The following FBXL2 variants were observed in gnomAD, a reference collection of about 807,000 sequenced individuals.
FBXL2 encodes F-box and leucine rich repeat protein 2.
FBXL2 carries 38 observed loss-of-function variants against 69.2 expected under a neutral mutation model. The ratio of observed to expected loss-of-function variants is 0.55; its 90% CI spans 0.42 to 0.72. FBXL2 has a LOEUF of 0.72. FBXL2 is among the 30% of genes least tolerant of loss of function. FBXL2 has a pLI of 0.00. For missense variants in FBXL2, 354 were observed against 520.3 expected, an observed-to-expected ratio of 0.68 and a Z score of 3.11; for synonymous variants, 192 against 201.3, an observed-to-expected ratio of 0.95 and a Z score of 0.39.
chr3:33,310,942 T>G (rs745548642), intron 2 of FBXL2, among the ~76,000 whole-genome samples: 153 of 152,126 alleles, frequency 1.0e-3, no homozygotes, highest in Non-Finnish European at 1.8e-3. Context: ...TCCTGGCTAA[T>G]TTTTCAGTAT....
downstream of FBXL2, among the ~76,000 whole-genome samples, chr3:33,404,476 TAATAGGATTA>T (rs2044361076): frequency 7.2e-6 from 1 of 138,282 alleles, no homozygotes; most frequent in Non-Finnish European, 1.5e-5. Flanking sequence ...AAGCTAAAGA[TAATAGGATTA>T]AAAAAAAAAA....
At chr3:33,352,120 GA>G (rs2040869631) in intron 2 of FBXL2, among the ~76,000 whole-genome samples, 2 of 152,252 alleles carry the variant, frequency 1.3e-5, no homozygotes, top group African/African-American at 2.4e-5. Context: ...ATTGGTGAAA[GA>G]ATAGATTAAT....
chr3:33,360,916 AAC>A, intron 4 of FBXL2, among the ~76,000 whole-genome samples: 1 of 134,770 alleles, frequency 7.4e-6, no homozygotes, highest in African/African-American at 2.8e-5. Flanking sequence ...GCACATGAAG[AAC>A]TTTTTTTTTT....
intron 5 of FBXL2, among the ~76,000 whole-genome samples, chr3:33,371,579 A>G (rs563466446): frequency 6.6e-6 from 1 of 152,268 alleles, no homozygotes; most frequent in East Asian, 1.9e-4. Flanking sequence ...TAACATTATA[A>G]CTTTTAATAC....
At chr3:33,377,157 A>T in intron 10 of FBXL2, 116 bp from the exon 11 acceptor site, 1 of 1,002,962 alleles carries the variant, frequency 1.0e-6, no homozygotes, top group South Asian at 1.4e-5. Context: ...AGGGCTGTTA[A>T]CAGAGGCAAA....
chr3:33,334,632 C>G (rs1296343711), intron 2 of FBXL2, among the ~76,000 whole-genome samples: 1 of 152,142 alleles, frequency 6.6e-6, no homozygotes, highest in Non-Finnish European at 1.5e-5. Flanking sequence ...AGTGTTTGAA[C>G]AAATAATGTC....
downstream of FBXL2, chr3:33,403,703 C>T (rs1021225846): frequency 7.9e-5 from 12 of 152,150 alleles, no homozygotes; most frequent in African/African-American, 2.7e-4. Context: ...AACAAAGACA[C>T]GGAGATACAC....
intron 1 of FBXL2, among the ~76,000 whole-genome samples, chr3:33,280,790 T>C (rs186775027): frequency 2.7e-5 from 4 of 150,904 alleles, no homozygotes; most frequent in Non-Finnish European, 3.0e-5. Context: ...TGGAACAAAA[T>C]CTATTGGGAT....
At chr3:33,316,690 G>A (rs1310671145) in intron 2 of FBXL2, among the ~76,000 whole-genome samples, 1 of 152,112 alleles carries the variant, frequency 6.6e-6, no homozygotes, top group African/African-American at 2.4e-5. Context: ...GGCACTTGGC[G>A]GTTTGGCCCT....
At chr3:33,329,729 C>T (rs932169353) in intron 2 of FBXL2, among the ~76,000 whole-genome samples, 4 of 152,124 alleles carry the variant, frequency 2.6e-5, no homozygotes, top group African/African-American at 7.2e-5. Flanking sequence ...TGGTGGCTCA[C>T]GCTTGTAATC....
chr3:33,399,534 GAA>G (rs35695525), intron 12 of FBXL2, among the ~76,000 whole-genome samples: 1 of 152,018 alleles, frequency 6.6e-6, no homozygotes, highest in Non-Finnish European at 1.5e-5. Context: ...TTATGCTAGT[GAA>G]AAAAAGCCAA....
At chr3:33,297,234 A>T (rs930867340) in intron 1 of FBXL2, among the ~76,000 whole-genome samples, 1 of 152,184 alleles carries the variant, frequency 6.6e-6, no homozygotes, top group Admixed American at 6.5e-5. Flanking sequence ...TTATTTTTAT[A>T]TAACTATATT....
Position 33,386,790 on chromosome 3 carries a change from ATCTT to A in FBXL2, c.*1184_*1187del, listed in dbSNP as rs1233044011. 2 of 140,322 alleles carry A rather than the reference ATCTT, an allele frequency of 1.4e-5. No individual in the cohort carries two copies. The highest frequency in any genetic ancestry group is 3.1e-5 in the Non-Finnish European group (2 of 64,450). 8.7% of individuals were successfully genotyped at this position (140,322 alleles called of 1,614,324 possible). On this transcript the variant is annotated 3_prime_UTR_variant, in exon 15 of 15. Coordinates refer to ENST00000484457, the MANE Select transcript of FBXL2 (RefSeq NM_012157.5). The stretch of plus-strand genomic sequence containing the variant: ...TTGCTCCATGCTGTCCATATTTATG[ATCTT>A]TATTAAGAACCTGTCAATCAGTCAT...
chr3:33,396,925 A>G lies in FBXL2; in HGVS notation n.1215-6309A>G, dbSNP rs2044020890. 4.5e-6 allele frequency: 4 copies of G among 894,104 alleles called. No homozygotes were observed. The East Asian group carries it at 1.0e-4, about 23-fold the overall frequency. 55.4% of individuals were successfully genotyped at this position (894,104 alleles called of 1,614,324 possible). A position where few individuals can be genotyped will look rare whatever the true frequency, so the allele number is the denominator to read the frequency against. On this transcript the variant is annotated intron_variant and non_coding_transcript_variant, in intron 12 of 12. Coordinates refer to the FBXL2 transcript ENST00000463736. ...TCTTCTTGTGAGCACAATGCTGCCAATGCTCGATGGCGCACACAGGCACAC... is the reference window on the plus strand; with the variant it reads ...TCTTCTTGTGAGCACAATGCTGCCAGTGCTCGATGGCGCACACAGGCACAC...
chr3:33,358,963 G>T lies in FBXL2; in HGVS notation c.66-4G>T. On this transcript the variant is annotated splice_region_variant and splice_polypyrimidine_tract_variant and intron_variant, in intron 2 of 14. Transcript: ENST00000484457. ...GTTTTTGTGTTTTTTTCCTCTCTCTGTAGAATATTTTCCTTCTTGGATATA... is the reference window on the plus strand; with the variant it reads ...GTTTTTGTGTTTTTTTCCTCTCTCTTTAGAATATTTTCCTTCTTGGATATA... 1 of 1,526,864 alleles carries T rather than the reference G, an allele frequency of 6.5e-7. No homozygotes were observed. Among genetic ancestry groups the T allele is most frequent in the Non-Finnish European group, 8.9e-7 (1 of 1,129,200 alleles). 94.6% of individuals were successfully genotyped at this position (1,526,864 alleles called of 1,614,324 possible). A position where few individuals can be genotyped will look rare whatever the true frequency, so the allele number is the denominator to read the frequency against.
intron 12 of FBXL2, chr3:33,400,207 G>A: frequency 6.3e-7 from 1 of 1,598,848 alleles, no homozygotes; most frequent in Non-Finnish European, 8.5e-7. Context: ...TTAGAGAACA[G>A]TCTTGTGTAG....
At chr3:33,326,117 A>G (rs771030965) in intron 2 of FBXL2, among the ~76,000 whole-genome samples, 32 of 152,350 alleles carry the variant, frequency 2.1e-4, no homozygotes, top group African/African-American at 5.8e-4. Context: ...ATCTCCCTTC[A>G]GCATCCCTTA....
chr3:33,307,915 CAT>C (rs143767442), intron 2 of FBXL2, among the ~76,000 whole-genome samples: 2,134 of 152,174 alleles, frequency 0.014, 21 homozygotes, highest in South Asian at 0.036. Flanking sequence ...TGAATTTAAA[CAT>C]ATTTGATAAT....
At chr3:33,375,470 C>T in intron 10 of FBXL2, 52 bp downstream of exon 10, 1 of 1,592,220 alleles carries the variant, frequency 6.3e-7, no homozygotes, top group Admixed American at 1.7e-5. Flanking sequence ...CTGAGTTAAC[C>T]AAGAGGGCTT....
Sources: gnomAD v4.1 joint callset for allele counts (sites outside exome capture counted in the v4.1 genomes callset) on GRCh38, gnomAD v4.1.1 for gene constraint, MANE v1.5 for transcripts, NCBI Gene and HGNC (gene_info 2026-07-23, HGNC 2026-07-21) for gene names.